Variants in LMTK2 observed in about 807,000 individuals in gnomAD.
The protein encoded by LMTK2 is lemur tail kinase 2.
A neutral mutation model predicts 127.5 loss-of-function variants in LMTK2; 37 were observed. The observed-to-expected ratio is 0.29, with a 90% CI of 0.22 to 0.38. LMTK2 has a LOEUF of 0.38. Among genes scored for constraint, LMTK2 ranks in the 10% least tolerant of loss-of-function variants. LMTK2 has a pLI of 1.00. For missense variants in LMTK2, 1,694 were observed against 1,920.3 expected (o/e 0.88, Z 2.20); for synonymous variants, 819 against 810.1 (o/e 1.01, Z -0.19).
rs368346888 is a variant in LMTK2, at chr7:98,203,713, C to A, written c.4240+7C>A. The A allele has an allele frequency of 3.1e-6, 5 of 1,613,100 alleles. No individual in the cohort carries two copies. The highest frequency in any genetic ancestry group is 4.2e-6 in the Non-Finnish European group (5 of 1,179,782). ...AGCTCCACCGACGAAGAAGGTATTT[C>A]ACGTCATTGTCTAGTTTTAAAGGAA... On this transcript the variant is annotated splice_region_variant and intron_variant, in intron 12 of 13. Coordinates refer to ENST00000297293, the MANE Select transcript of LMTK2 (RefSeq NM_014916.4).
At chr7:98,136,149 TC>T (rs1796593129) in intron 1 of LMTK2, among the ~76,000 whole-genome samples, 1 of 152,048 alleles carries the variant, frequency 6.6e-6, no homozygotes, top group South Asian at 2.1e-4. Flanking sequence ...TTGGTAGAGC[TC>T]CCAGTGACAA....
At chr7:98,187,028 A>G in intron 9 of LMTK2, 30 bp downstream of exon 9, 1 of 1,591,790 alleles carries the variant, frequency 6.3e-7, no homozygotes, top group Non-Finnish European at 8.6e-7. Flanking sequence ...TTTATTAGTC[A>G]TTTCTTTGGC....
At chr7:98,203,459 G>A in intron 11 of LMTK2, 115 bp from the exon 12 acceptor site, 2 of 1,363,070 alleles carry the variant, frequency 1.5e-6, no homozygotes, top group Non-Finnish European at 2.0e-6. Flanking sequence ...CCCTTGTCTT[G>A]AGACGCTTAC....
chr7:98,130,631 G>A (rs1414946644), intron 1 of LMTK2, among the ~76,000 whole-genome samples: 2 of 152,182 alleles, frequency 1.3e-5, no homozygotes, highest in African/African-American at 4.8e-5. Flanking sequence ...CAGTGTGACT[G>A]CTGTCCTTAT....
intron 7 of LMTK2, among the ~76,000 whole-genome samples, chr7:98,180,673 A>G (rs1281763568): frequency 2.0e-5 from 3 of 152,246 alleles, no homozygotes; most frequent in Non-Finnish European, 2.9e-5. Context: ...CAACGCTTGC[A>G]TATCTTTGAG....
intron 11 of LMTK2, among the ~76,000 whole-genome samples, chr7:98,195,246 T>C (rs1584296842): frequency 6.6e-6 from 1 of 152,176 alleles, no homozygotes; most frequent in African/African-American, 2.4e-5. Flanking sequence ...CCTGGAACCA[T>C]GGCTGGCGTG....
chr7:98,186,225 A>G (rs28454908), intron 8 of LMTK2, among the ~76,000 whole-genome samples: 9,095 of 151,944 alleles, frequency 0.06, 665 homozygotes, highest in East Asian at 0.36. Context: ...CACCACGCCC[A>G]GCTAATTTTT....
chr7:98,144,461 T>C (rs1328759936), intron 3 of LMTK2, among the ~76,000 whole-genome samples: 2 of 151,088 alleles, frequency 1.3e-5, no homozygotes, highest in Non-Finnish European at 2.9e-5. Context: ...AAAAAATATA[T>C]ATATATTGAA....
intron 1 of LMTK2, among the ~76,000 whole-genome samples, chr7:98,127,976 C>G (rs569523210): frequency 5.9e-5 from 9 of 152,226 alleles, no homozygotes; most frequent in Non-Finnish European, 1.3e-4. Flanking sequence ...AACCCCGTCT[C>G]TACTAAAAAA....
intron 3 of LMTK2, among the ~76,000 whole-genome samples, chr7:98,151,160 A>AG (rs1562906347): frequency 6.6e-6 from 1 of 152,214 alleles, no homozygotes; most frequent in East Asian, 1.9e-4. Flanking sequence ...CGGAAAAAAA[A>AG]CAATGCGCAA....
chr7:98,200,567 C>T (rs143575218), intron 11 of LMTK2, among the ~76,000 whole-genome samples: 74 of 152,288 alleles, frequency 4.9e-4, no homozygotes, highest in African/African-American at 1.6e-3. Flanking sequence ...TGTGGTTATG[C>T]ACGGGTGGTC....
chr7:98,179,138 C>G (rs1263578719), intron 7 of LMTK2, among the ~76,000 whole-genome samples: 2 of 152,216 alleles, frequency 1.3e-5, no homozygotes, highest in Non-Finnish European at 2.9e-5. Flanking sequence ...ATAATGAGAG[C>G]CAAGGACCTT....
chr7:98,122,784 G>GC (rs1796384233), intron 1 of LMTK2, among the ~76,000 whole-genome samples: 1 of 151,362 alleles, frequency 6.6e-6, no homozygotes, highest in South Asian at 2.1e-4. Context: ...TTCCCAAAGT[G>GC]CTGGGCTTAC....
chr7:98,147,190 A>G (rs1796786713), intron 3 of LMTK2, among the ~76,000 whole-genome samples: 1 of 149,296 alleles, frequency 6.7e-6, no homozygotes, highest in African/African-American at 2.5e-5. Context: ...GGTTTTCTAC[A>G]GTTTGTGTCT....
At chr7:98,168,340 T>G (rs12535010) in intron 6 of LMTK2, among the ~76,000 whole-genome samples, 10,692 of 152,084 alleles carry the variant, frequency 0.07, 904 homozygotes, top group East Asian at 0.39. Context: ...GGACCAGTGG[T>G]GCTGAGAAAA....
chr7:98,196,718 A>G (rs1797627473), intron 11 of LMTK2, among the ~76,000 whole-genome samples: 1 of 152,172 alleles, frequency 6.6e-6, no homozygotes, highest in Admixed American at 6.5e-5. Context: ...ACTTTAGAAG[A>G]CAGAATTGCA....
At chr7:98,129,355 A>AGTTTTGTTTT (rs10611952) in intron 1 of LMTK2, among the ~76,000 whole-genome samples, 6,524 of 148,888 alleles carry the variant, frequency 0.044, 171 homozygotes, top group African/African-American at 0.05. Context: ...AAGTTTATTC[A>AGTTTTGTTTT]GTTTTGTTTT....
At chr7:98,198,993 T>C (rs1184614649) in intron 11 of LMTK2, among the ~76,000 whole-genome samples, 1 of 152,168 alleles carries the variant, frequency 6.6e-6, no homozygotes, top group East Asian at 1.9e-4. Flanking sequence ...TTAATAAGTA[T>C]ATTGTTTAAT....
At chr7:98,136,451 C>T (rs1242558009) in intron 1 of LMTK2, among the ~76,000 whole-genome samples, 1 of 152,206 alleles carries the variant, frequency 6.6e-6, no homozygotes, top group Non-Finnish European at 1.5e-5. Flanking sequence ...TGCATAGCCT[C>T]AAAGTTTCTT....
Sources: allele counts gnomAD v4.1 joint callset (sites outside exome capture counted in the v4.1 genomes callset), GRCh38; gene constraint gnomAD v4.1.1; transcripts MANE v1.5; gene names NCBI Gene and HGNC (gene_info 2026-07-23, HGNC 2026-07-21).